Variants in DPP3 observed in about 807,000 individuals in gnomAD.
DPP3 encodes the protein dipeptidyl peptidase 3.
DPP3 carries 64 observed loss-of-function variants against 89.8 expected under a neutral mutation model. The ratio of observed to expected loss-of-function variants is 0.71; its 90% CI spans 0.58 to 0.88. The LOEUF (loss-of-function observed/expected upper bound fraction) is 0.88, where lower values mean the gene tolerates loss of function less well. Ranked by LOEUF, DPP3 falls within the 40% of genes least tolerant of loss-of-function variation. The pLI is 0.00. For missense variants in DPP3, 835 were observed against 972.5 expected (o/e 0.86, Z 1.88); for synonymous variants, 377 against 404.3 (o/e 0.93, Z 0.81).
intron 16 of DPP3, among the ~76,000 whole-genome samples, chr11:66,500,075 C>T (rs1350827350): frequency 6.6e-6 from 1 of 151,922 alleles, no homozygotes; most frequent in Non-Finnish European, 1.5e-5. Flanking sequence ...ACTTTTCAGC[C>T]GAGCACAGTC....
At chr11:66,506,691 T>G (rs137963902) in intron 17 of DPP3, among the ~76,000 whole-genome samples, 21 of 152,270 alleles carry the variant, frequency 1.4e-4, no homozygotes, top group African/African-American at 4.8e-4. Flanking sequence ...CCGACCTTTC[T>G]GTTTCTTCTA....
chr11:66,501,825 C>CAAAAAA (rs35196491), intron 16 of DPP3, among the ~76,000 whole-genome samples: 5 of 84,464 alleles, frequency 5.9e-5, no homozygotes, highest in Admixed American at 1.3e-4. Context: ...ACTTTGTCTC[C>CAAAAAA]AAAAAAAAAA....
In DPP3 at chr11:66,503,872, AAG is replaced by A. The variant is rs1182002491; in HGVS notation, c.1879-738_1879-737del. Among the ~76,000 whole-genome samples the A allele has an allele frequency of 3.3e-5, 5 of 152,146 alleles. No individual in the cohort carries two copies. In the East Asian group the frequency reaches 9.7e-4, roughly 29 times the overall value. ...ATTGCACTCCAGGCTGGGTGACAGC[AAG>A]ACTCTGTCTCAAAAAAAAAAAAGAT... On this transcript the variant is annotated intron_variant, in intron 16 of 17. Transcript: ENST00000531863.
chr11:66,488,405 T>A (rs772087832), intron 6 of DPP3, among the ~76,000 whole-genome samples: 5 of 152,012 alleles, frequency 3.3e-5, no homozygotes, highest in Non-Finnish European at 7.4e-5. Flanking sequence ...CTACTAAAAA[T>A]ACAGAAATTA....
Position 66,487,907 on chromosome 11 carries a change from C to T in DPP3, c.574-7C>T, listed in dbSNP as rs751683944. ...TCACTCTTAACCCCTGTCCTGGTCT[C>T]TTCTAGAACCTCAGTGCCTACAACA... On this transcript the variant is annotated splice_region_variant and splice_polypyrimidine_tract_variant and intron_variant, in intron 5 of 17. Transcript: ENST00000531863. The T allele has an allele frequency of 6.2e-6, 10 of 1,613,868 alleles. No homozygotes were observed. The South Asian group carries it at 7.7e-5, about 12-fold the overall frequency.
intron 1 of DPP3, among the ~76,000 whole-genome samples, chr11:66,481,818 T>C (rs1396704023): frequency 6.6e-6 from 1 of 152,054 alleles, no homozygotes; most frequent in Non-Finnish European, 1.5e-5. Context: ...TGGCTAATTT[T>C]TGTATTTTTA....
At chr11:66,489,488 G>A (rs560187960) in intron 6 of DPP3, among the ~76,000 whole-genome samples, 6 of 152,326 alleles carry the variant, frequency 3.9e-5, no homozygotes, top group African/African-American at 1.2e-4. Context: ...AGGAACAGGA[G>A]TGGATCTCAC....
chr11:66,489,582 G>A (rs542472510), intron 6 of DPP3, among the ~76,000 whole-genome samples: 22 of 152,202 alleles, frequency 1.4e-4, no homozygotes, highest in African/African-American at 5.1e-4. Flanking sequence ...CGGACTGCCC[G>A]AGTGGGTCAT....
intron 5 of DPP3, 114 bp downstream of exon 5, chr11:66,487,456 G>C (rs532468042): frequency 4.1e-5 from 45 of 1,107,900 alleles, no homozygotes; most frequent in Admixed American, 3.7e-4. Context: ...CTGTGTACTA[G>C]GGAAGGCGCG....
Position 66,491,513 on chromosome 11 carries a change from A to C in DPP3, c.818A>C (p.His273Pro). Residue 273 changes from histidine to proline, a missense_variant, in exon 8 of 18, where the codon CAC becomes CCC. Physicochemically the swap from His to Pro is moderately conservative, Grantham distance 77. Coordinates refer to ENST00000531863, the MANE Select transcript of DPP3 (RefSeq NM_130443.4). The stretch of plus-strand genomic sequence containing the variant: ...CCTCAGGCCTATGCAGCCAACAGCC[A>C]CCAGGGGCAGATGCTGGCCCAGTAT... ...EKAKAYAANS[H>P]QGQMLAQYIE... The C allele has an allele frequency of 6.2e-7, 1 of 1,610,578 alleles. No homozygotes were observed. The highest frequency in any genetic ancestry group is 1.1e-5 in the South Asian group (1 of 90,848).
chr11:66,499,027 GATAAC>G (rs1038142875), intron 16 of DPP3, among the ~76,000 whole-genome samples: 1 of 151,792 alleles, frequency 6.6e-6, no homozygotes, highest in African/African-American at 2.4e-5. Context: ...AAAAAGAAAA[GATAAC>G]ATATTAATCA....
rs1478006559 is a variant in DPP3, at chr11:66,495,734, C to CGAGTAGGTAGGG, written c.1682_1683insGAGTAGGTAGGG (p.Ala561_Phe562insSerArgTer). 3 of 1,610,496 alleles carry CGAGTAGGTAGGG rather than the reference C, an allele frequency of 1.9e-6. No individual in the cohort carries two copies. Among genetic ancestry groups the CGAGTAGGTAGGG allele is most frequent in the Non-Finnish European group, 2.5e-6 (3 of 1,178,732 alleles). On this transcript the variant is annotated stop_gained and inframe_insertion, in exon 15 of 18. Transcript: ENST00000531863. LOFTEE classifies it high-confidence loss of function. ...GCTCTGGAGTTCTACACACCTGAGG[C>CGAGTAGGTAGGG]CTTCAACTGGCGACAGGTAGGGCCT...
chr11:66,482,469 A>G lies in DPP3; in HGVS notation c.269A>G (p.Gln90Arg). 1 of 1,602,830 alleles carries G rather than the reference A, an allele frequency of 6.2e-7. No homozygotes were observed. The highest frequency in any genetic ancestry group is 8.5e-7 in the Non-Finnish European group (1 of 1,178,772). The change falls in exon 2 of 18, where the codon CAG becomes CGG. Residue 90 changes from glutamine to arginine, a missense_variant and splice_region_variant. Transcript: ENST00000531863. ...LAEGLTEEEYQAFLVYAAGVY... is the reference protein window; with the variant it reads ...LAEGLTEEEYRAFLVYAAGVY... ...GAAGGCCTTACCGAGGAGGAGTATC[A>G]GGTCAGTTCTCTTGGGCCAACCCAC...
intron 6 of DPP3, among the ~76,000 whole-genome samples, chr11:66,490,329 A>G (rs1398152401): frequency 1.3e-5 from 2 of 152,202 alleles, no homozygotes; most frequent in Admixed American, 6.5e-5. Flanking sequence ...ATTTACTGGC[A>G]CAAAACAACA....
intron 13 of DPP3, 22 bp from the exon 14 acceptor site, chr11:66,495,343 G>C (rs200519213): frequency 1.2e-6 from 2 of 1,613,668 alleles, no homozygotes; most frequent in South Asian, 2.2e-5. Flanking sequence ...CCTTAAGCCC[G>C]ACAGTGGAGC....
chr11:66,493,554 TCTGGAAGGGG>T lies in DPP3; in HGVS notation c.1312_1321del (p.Trp438ProfsTer36). 1.2e-6 allele frequency: 2 copies of T among 1,613,152 alleles called. No individual in the cohort carries two copies. On this transcript the variant is annotated frameshift_variant, in exon 12 of 18. Coordinates refer to ENST00000531863, the MANE Select transcript of DPP3 (RefSeq NM_130443.4). LOFTEE classifies it high-confidence loss of function. ...TTGTCTTGGCAGGACCTGTACATCCTCTGGAAGGGGCCCTCCTTCGATGTGCAGGTGGGCC... is the reference window on the plus strand; with the variant it reads ...TTGTCTTGGCAGGACCTGTACATCCTCCCTCCTTCGATGTGCAGGTGGGCC...
chr11:66,494,218 C>G (rs1427201980), intron 12 of DPP3, among the ~76,000 whole-genome samples: 1 of 152,150 alleles, frequency 6.6e-6, no homozygotes, highest in South Asian at 2.1e-4. Context: ...GAAACACAGA[C>G]AGTCATTTAT....
At chr11:66,493,296 C>T (rs1855446507) in intron 11 of DPP3, 117 bp downstream of exon 11, 1 of 935,040 alleles carries the variant, frequency 1.1e-6, no homozygotes, top group South Asian at 1.6e-5. Context: ...CTGGCTCTGC[C>T]ACTTCCCAAC....
intron 12 of DPP3, among the ~76,000 whole-genome samples, chr11:66,494,536 C>T (rs1855481744): frequency 6.6e-6 from 1 of 152,218 alleles, no homozygotes; most frequent in South Asian, 2.1e-4. Context: ...TTCCTGACCC[C>T]TGCTGTGTGG....
Sources: gnomAD v4.1 joint callset for allele counts (sites outside exome capture counted in the v4.1 genomes callset) on GRCh38, gnomAD v4.1.1 for gene constraint, MANE v1.5 for transcripts, NCBI Gene and HGNC (gene_info 2026-07-23, HGNC 2026-07-21) for gene names.